Variants in CALN1 observed in about 807,000 individuals in gnomAD.
CALN1 encodes calcium-binding protein 8.
CALN1 carries 17 observed loss-of-function variants against 30.6 expected under a neutral mutation model. The ratio of observed to expected loss-of-function variants is 0.56; its 90% CI spans 0.38 to 0.83. The LOEUF (loss-of-function observed/expected upper bound fraction) is 0.83, where lower values mean the gene tolerates loss of function less well. Ranked by LOEUF, CALN1 falls within the 40% of genes least tolerant of loss-of-function variation. CALN1 has a pLI of 0.00. For missense variants in CALN1, 291 were observed against 354.9 expected (o/e 0.82, Z 1.45); for synonymous variants, 156 against 131.4 (o/e 1.19, Z -1.28).
intron 2 of CALN1, among the ~76,000 whole-genome samples, chr7:72,298,003 C>A (rs1798983762): frequency 6.6e-6 from 1 of 152,196 alleles, no homozygotes; most frequent in Admixed American, 6.5e-5. Flanking sequence ...AGATAGTGCA[C>A]TCACCATCTT....
At chr7:72,066,775 CTATTT>C (rs969532409) in intron 4 of CALN1, among the ~76,000 whole-genome samples, 14 of 150,742 alleles carry the variant, frequency 9.3e-5, no homozygotes, top group African/African-American at 1.7e-4. Context: ...CCAGGCCCAG[CTATTT>C]TATTTTATTT....
chr7:71,865,946 C>T (rs1011008685), intron 5 of CALN1, among the ~76,000 whole-genome samples: 6 of 151,850 alleles, frequency 4.0e-5, no homozygotes, highest in Non-Finnish European at 7.4e-5. Flanking sequence ...AAATAAAACA[C>T]AAAAGTATAC....
intron 3 of CALN1, among the ~76,000 whole-genome samples, chr7:72,141,001 G>A (rs1444096478): frequency 6.6e-6 from 1 of 152,196 alleles, no homozygotes; most frequent in African/African-American, 2.4e-5. Flanking sequence ...CTCCTAGTGT[G>A]GACCATGGCA....
chr7:72,334,283 G>C (rs1801859788), intron 2 of CALN1, among the ~76,000 whole-genome samples: 2 of 152,140 alleles, frequency 1.3e-5, no homozygotes, highest in African/African-American at 4.8e-5. Context: ...ACACTGCATA[G>C]GTGGTCAATA....
chr7:72,022,275 G>C (rs959357501), intron 5 of CALN1, among the ~76,000 whole-genome samples: 2 of 152,218 alleles, frequency 1.3e-5, no homozygotes, highest in Admixed American at 6.5e-5. Context: ...AGCATGCACA[G>C]AGTGAGCTAC....
Position 71,847,598 on chromosome 7 carries a change from C to T in CALN1, c.502-37106G>A, listed in dbSNP as rs139373939. On this transcript the variant is annotated intron_variant, in intron 5 of 6. Transcript: ENST00000395275. ...TCAGGAGGCTGAGGCAGAAGAATCT[C>T]TTGAACCCAGGGGGCAGAGGTTGCA... Among the ~76,000 whole-genome samples the T allele has an allele frequency of 5.9e-3, 892 of 151,542 alleles. 5 individuals are homozygous for T. Among genetic ancestry groups the T allele is most frequent in the African/African-American group, 0.02 (829 of 41,284 alleles).
chr7:72,014,474 C>G (rs905987425), intron 5 of CALN1, among the ~76,000 whole-genome samples: 19 of 152,132 alleles, frequency 1.2e-4, no homozygotes, highest in Non-Finnish European at 2.6e-4. Context: ...TAACCAATCC[C>G]TATTTTAATT....
At chr7:71,827,007 T>A (rs918577643) in intron 5 of CALN1, among the ~76,000 whole-genome samples, 1 of 152,178 alleles carries the variant, frequency 6.6e-6, no homozygotes, top group Non-Finnish European at 1.5e-5. Context: ...TCTTGCAGCC[T>A]GGAGGAAATG....
At chr7:72,153,156 G>C (rs1447127404) in intron 3 of CALN1, among the ~76,000 whole-genome samples, 1 of 152,178 alleles carries the variant, frequency 6.6e-6, no homozygotes, top group Non-Finnish European at 1.5e-5. Flanking sequence ...GTTCCAAGAA[G>C]AGTATTTAAG....
At chr7:71,882,691 C>T (rs115389285) in intron 5 of CALN1, among the ~76,000 whole-genome samples, 5,701 of 151,194 alleles carry the variant, frequency 0.038, 326 homozygotes, top group African/African-American at 0.13. Context: ...AAAAAAAAAA[C>T]AACTTTTTAA....
At chr7:72,003,141 T>G (rs1353714831) in intron 5 of CALN1, among the ~76,000 whole-genome samples, 2 of 152,216 alleles carry the variant, frequency 1.3e-5, no homozygotes, top group Non-Finnish European at 2.9e-5. Context: ...TAACTATAAA[T>G]CTATACAATT....
intron 5 of CALN1, among the ~76,000 whole-genome samples, chr7:71,840,781 AAC>A (rs1290390617): frequency 1.3e-5 from 2 of 152,174 alleles, no homozygotes; most frequent in Admixed American, 1.3e-4. Context: ...GCACAGAGGA[AAC>A]AGTCAATAAA....
At chr7:71,956,800 G>C (rs989658357) in intron 5 of CALN1, among the ~76,000 whole-genome samples, 4 of 152,048 alleles carry the variant, frequency 2.6e-5, no homozygotes, top group African/African-American at 9.7e-5. Flanking sequence ...AGGTTCAAGC[G>C]ATTCTCCTGT....
intron 2 of CALN1, among the ~76,000 whole-genome samples, chr7:72,371,015 T>A (rs1408254252): frequency 8.2e-6 from 1 of 121,290 alleles, no homozygotes; most frequent in Non-Finnish European, 1.6e-5. Flanking sequence ...CCCACAGAAC[T>A]CCAACTTTGG....
chr7:72,247,744 A>G (rs1032232031), intron 3 of CALN1, among the ~76,000 whole-genome samples: 4 of 152,102 alleles, frequency 2.6e-5, no homozygotes, highest in Non-Finnish European at 5.9e-5. Flanking sequence ...CAATCCCAAC[A>G]CTTTGGGAAG....
chr7:71,840,992 G>A (rs1789908750), intron 5 of CALN1, among the ~76,000 whole-genome samples: 1 of 151,988 alleles, frequency 6.6e-6, no homozygotes, highest in Admixed American at 6.6e-5. Context: ...TAAAGAGTCA[G>A]GGAAGCATCT....
At chr7:71,826,330 G>A (rs961177482) in intron 5 of CALN1, among the ~76,000 whole-genome samples, 2 of 152,128 alleles carry the variant, frequency 1.3e-5, no homozygotes, top group Non-Finnish European at 2.9e-5. Flanking sequence ...CGAAGATTGA[G>A]CACCTATTGA....
intron 1 of CALN1, among the ~76,000 whole-genome samples, chr7:72,404,151 G>A (rs1269224187): frequency 6.6e-6 from 1 of 152,058 alleles, no homozygotes; most frequent in Non-Finnish European, 1.5e-5. Context: ...CTGAAAAGTT[G>A]TCCTTGACCT....
chr7:72,099,458 C>CTTTTTT (rs796540118), intron 4 of CALN1, among the ~76,000 whole-genome samples: 1 of 143,136 alleles, frequency 7.0e-6, no homozygotes. Flanking sequence ...TAATTAGAAT[C>CTTTTTT]TTTTTTTTTT....
Sources: allele counts gnomAD v4.1 joint callset (sites outside exome capture counted in the v4.1 genomes callset), GRCh38; gene constraint gnomAD v4.1.1; transcripts MANE v1.5; gene names NCBI Gene and HGNC (gene_info 2026-07-23, HGNC 2026-07-21).